HHAT: variants seen among roughly 807,000 people sequenced by gnomAD.
HHAT encodes protein-cysteine N-palmitoyltransferase HHAT.
A neutral mutation model predicts 70.8 loss-of-function variants in HHAT; 47 were observed. That is an observed-to-expected ratio of 0.66 (90% CI 0.53 to 0.85). The LOEUF is 0.85. Among genes scored for constraint, HHAT ranks in the 40% least tolerant of loss-of-function variants. The pLI, the probability that HHAT is intolerant of heterozygous loss-of-function variation, is 0.00. For synonymous variants in HHAT, 228 were observed against 247.6 expected (o/e 0.92, Z 0.74); for missense variants, 609 against 604.8 (o/e 1.01, Z -0.07).
intron 9 of HHAT, among the ~76,000 whole-genome samples, chr1:210,531,834 T>C (rs1416006956): frequency 1.3e-5 from 2 of 152,226 alleles, no homozygotes; most frequent in African/African-American, 4.8e-5. Context: ...TTTCTTTTCC[T>C]GTCACCAAGT....
chr1:210,504,431 G>A (rs769279407), intron 8 of HHAT, among the ~76,000 whole-genome samples: 13 of 152,214 alleles, frequency 8.5e-5, no homozygotes, highest in Admixed American at 1.3e-4. Context: ...CAAGGCCATG[G>A]AGGGATTAAC....
upstream of HHAT, among the ~76,000 whole-genome samples, chr1:210,327,562 G>A (rs2084665857): frequency 6.6e-6 from 1 of 152,178 alleles, no homozygotes; most frequent in Non-Finnish European, 1.5e-5. Flanking sequence ...TTGGAGTGCA[G>A]TGGTGCGATC....
chr1:210,437,340 G>C (rs1266133935), intron 7 of HHAT, among the ~76,000 whole-genome samples: 1 of 151,904 alleles, frequency 6.6e-6, no homozygotes, highest in East Asian at 1.9e-4. Context: ...GACTAAGATG[G>C]TCAGTATGTC....
At chr1:210,599,940 T>A (rs1020961088) in intron 10 of HHAT, among the ~76,000 whole-genome samples, 1 of 152,132 alleles carries the variant, frequency 6.6e-6, no homozygotes, top group Non-Finnish European at 1.5e-5. Context: ...TTTCTGTTCA[T>A]TACATACCTG....
At position 210,620,104 on chromosome 1, in the gene HHAT, G is replaced by A. The variant is rs558572092; in HGVS notation, c.1246-3422G>A. On this transcript the variant is annotated intron_variant, in intron 10 of 11. Coordinates refer to ENST00000261458, the MANE Select transcript of HHAT (RefSeq NM_018194.6). ...ATCCCGGTGATGAAGGACCACAGGG[G>A]TAATCGCTGTAGGACTATGGAAAGG... Among the ~76,000 whole-genome samples the A allele has an allele frequency of 1.6e-4, 24 of 152,370 alleles. No homozygotes were observed. In the South Asian group the frequency reaches 4.8e-3, roughly 30 times the overall value.
intron 9 of HHAT, among the ~76,000 whole-genome samples, chr1:210,542,868 A>G (rs568014644): frequency 7.2e-5 from 11 of 152,302 alleles, no homozygotes; most frequent in African/African-American, 2.6e-4. Context: ...TATATTATAC[A>G]TATATGGATA....
intron 9 of HHAT, among the ~76,000 whole-genome samples, chr1:210,525,165 T>C (rs1412355668): frequency 1.3e-5 from 2 of 152,026 alleles, no homozygotes; most frequent in Admixed American, 1.3e-4. Flanking sequence ...AAGGCCTAGT[T>C]CTTAGCCCTC....
intron 7 of HHAT, among the ~76,000 whole-genome samples, chr1:210,454,875 C>G (rs2093830149): frequency 6.6e-6 from 1 of 152,222 alleles, no homozygotes. Context: ...TCTGGGAAGT[C>G]AACTCTCTCT....
intron 10 of HHAT, among the ~76,000 whole-genome samples, chr1:210,592,091 A>G (rs1661843313): frequency 6.6e-6 from 1 of 152,010 alleles, no homozygotes; most frequent in South Asian, 2.1e-4. Flanking sequence ...GGGTATTACT[A>G]AAGAATTATT....
At chr1:210,654,316 T>C (rs1675926363) in intron 11 of HHAT, among the ~76,000 whole-genome samples, 1 of 150,888 alleles carries the variant, frequency 6.6e-6, no homozygotes. Context: ...CCCTGTCTGT[T>C]CCTGTGTCCT....
intron 7 of HHAT, among the ~76,000 whole-genome samples, chr1:210,454,673 A>G (rs1357973704): frequency 6.6e-6 from 1 of 152,212 alleles, no homozygotes; most frequent in East Asian, 1.9e-4. Flanking sequence ...TGAATCAAGT[A>G]CAAGATGTCA....
chr1:210,558,202 T>C (rs17016432), intron 9 of HHAT, among the ~76,000 whole-genome samples: 1 of 152,108 alleles, frequency 6.6e-6, no homozygotes, highest in East Asian at 1.9e-4. Context: ...TACCCAGCAA[T>C]TGGTGGGTGG....
At chr1:210,633,546 G>A (rs557871026) in intron 11 of HHAT, among the ~76,000 whole-genome samples, 1 of 152,332 alleles carries the variant, frequency 6.6e-6, no homozygotes, top group South Asian at 2.1e-4. Context: ...GCCCCACAGT[G>A]AGTGTCCCGG....
intron 10 of HHAT, among the ~76,000 whole-genome samples, chr1:210,596,121 T>C (rs903032598): frequency 3.3e-5 from 5 of 152,262 alleles, no homozygotes; most frequent in Non-Finnish European, 7.3e-5. Context: ...TTTAAGTCTT[T>C]AATCCATCTT....
intron 10 of HHAT, among the ~76,000 whole-genome samples, chr1:210,598,613 G>C (rs1023491080): frequency 6.6e-6 from 1 of 152,174 alleles, no homozygotes; most frequent in African/African-American, 2.4e-5. Flanking sequence ...GGGCAGCCCT[G>C]AGTTCCAGTG....
intron 1 of HHAT, among the ~76,000 whole-genome samples, chr1:210,340,182 A>C (rs891561009): frequency 1.1e-4 from 16 of 150,542 alleles, no homozygotes; most frequent in Non-Finnish European, 2.2e-4. Context: ...TCTACTAAAA[A>C]CACAAAAATT....
intron 4 of HHAT, among the ~76,000 whole-genome samples, chr1:210,395,277 A>G (rs72745454): frequency 0.027 from 4,068 of 152,244 alleles, 96 homozygotes; most frequent in Non-Finnish European, 0.037. Context: ...CCCTATTATC[A>G]CTTGGCACCC....
chr1:210,452,661 T>C (rs1480386015), intron 7 of HHAT, among the ~76,000 whole-genome samples: 2 of 152,202 alleles, frequency 1.3e-5, no homozygotes, highest in Admixed American at 6.5e-5. Flanking sequence ...AGGCAGAGCC[T>C]AGGATTAAGA....
intron 2 of HHAT, among the ~76,000 whole-genome samples, chr1:210,354,117 G>A (rs1571825176): frequency 6.6e-6 from 1 of 151,078 alleles, no homozygotes; most frequent in East Asian, 1.9e-4. Context: ...AGCAAGTTGA[G>A]TGCTCTTCAA....
Sources: allele counts gnomAD v4.1 joint callset (sites outside exome capture counted in the v4.1 genomes callset), GRCh38; gene constraint gnomAD v4.1.1; transcripts MANE v1.5; gene names NCBI Gene and HGNC (gene_info 2026-07-23, HGNC 2026-07-21).